Variants in CCSER1 observed in about 807,000 individuals in gnomAD.
CCSER1 encodes the protein serine-rich coiled-coil domain-containing protein 1.
CCSER1 carries 41 observed loss-of-function variants against 82.0 expected under a neutral mutation model. The ratio of observed to expected loss-of-function variants is 0.50; its 90% confidence interval spans 0.39 to 0.65. The LOEUF (loss-of-function observed/expected upper bound fraction) is 0.65. Among genes scored for constraint, CCSER1 ranks in the 30% least tolerant of loss-of-function variants. The probability of loss-of-function intolerance (pLI) is 0.00; values close to 1 mark genes in which losing one functional copy is unlikely to be tolerated. For missense variants in CCSER1, 1,119 were observed against 1,064.2 expected (o/e 1.05, Z -0.72); for synonymous variants, 414 against 383.9 (o/e 1.08, Z -0.92).
At chr4:91,460,060 A>T (rs993840437) in intron 10 of CCSER1, among the ~76,000 whole-genome samples, 5 of 152,204 alleles carry the variant, frequency 3.3e-5, no homozygotes, top group Non-Finnish European at 5.9e-5. Context: ...TAGAGTAAGC[A>T]TCAGGCAATG....
intron 7 of CCSER1, among the ~76,000 whole-genome samples, chr4:90,728,831 G>C (rs898765286): frequency 9.9e-5 from 15 of 152,136 alleles, no homozygotes; most frequent in Admixed American, 1.3e-4. Flanking sequence ...TAGAAAAAAA[G>C]ATGCAGTAAA....
At chr4:91,583,736 C>G (rs1340460638) in intron 10 of CCSER1, among the ~76,000 whole-genome samples, 2 of 151,410 alleles carry the variant, frequency 1.3e-5, no homozygotes, top group Non-Finnish European at 3.0e-5. Context: ...AAGAACTATA[C>G]AAAGTTTTAA....
chr4:91,389,089 A>G (rs1751489690), intron 10 of CCSER1, among the ~76,000 whole-genome samples: 1 of 152,032 alleles, frequency 6.6e-6, no homozygotes, highest in African/African-American at 2.4e-5. Context: ...CTGAATTTTA[A>G]TGAAGTCTGA....
chr4:90,324,505 T>G (rs1393205555), intron 3 of CCSER1, among the ~76,000 whole-genome samples: 1 of 150,570 alleles, frequency 6.6e-6, no homozygotes, highest in Non-Finnish European at 1.5e-5. Context: ...TCGCCCACTT[T>G]TTGATGGGGT....
intron 5 of CCSER1, among the ~76,000 whole-genome samples, chr4:90,530,875 C>A (rs1180499199): frequency 6.6e-6 from 1 of 152,160 alleles, no homozygotes; most frequent in East Asian, 1.9e-4. Flanking sequence ...TATTCTCTTG[C>A]AACCACCTTG....
At chr4:91,559,831 A>C (rs1050887151) in intron 10 of CCSER1, among the ~76,000 whole-genome samples, 3 of 151,454 alleles carry the variant, frequency 2.0e-5, no homozygotes, top group African/African-American at 7.3e-5. Context: ...GTAATATCTT[A>C]ACCATTAGTG....
chr4:90,374,058 A>C (rs1471807914), intron 3 of CCSER1, among the ~76,000 whole-genome samples: 1 of 152,198 alleles, frequency 6.6e-6, no homozygotes. Flanking sequence ...ACATCCACGA[A>C]ACTGTAGCAG....
At chr4:91,197,447 C>T (rs528699839) in intron 10 of CCSER1, among the ~76,000 whole-genome samples, 2 of 152,142 alleles carry the variant, frequency 1.3e-5, no homozygotes, top group South Asian at 2.1e-4. Context: ...AGTGTGGAGC[C>T]GCATGTGACT....
intron 10 of CCSER1, among the ~76,000 whole-genome samples, chr4:91,522,843 T>G (rs969821226): frequency 2.0e-5 from 3 of 152,196 alleles, no homozygotes; most frequent in African/African-American, 7.2e-5. Context: ...ACTTCCTTTT[T>G]TCCTAGTTGA....
intron 10 of CCSER1, among the ~76,000 whole-genome samples, chr4:91,278,942 A>G (rs1284482428): frequency 6.6e-6 from 1 of 150,936 alleles, no homozygotes; most frequent in East Asian, 1.9e-4. Context: ...CATTTCCTGT[A>G]TGACCAGTCT....
At chr4:90,943,982 C>A (rs1421320170) in intron 9 of CCSER1, among the ~76,000 whole-genome samples, 1 of 151,448 alleles carries the variant, frequency 6.6e-6, no homozygotes, top group Non-Finnish European at 1.5e-5. Context: ...GCCTGTAATC[C>A]CAGCACTTTG....
chr4:91,487,075 T>C (rs1311797480), intron 10 of CCSER1, among the ~76,000 whole-genome samples: 1 of 152,070 alleles, frequency 6.6e-6, no homozygotes, highest in East Asian at 1.9e-4. Flanking sequence ...TTAAAGAAAC[T>C]ATTAATTTAC....
rs1290596516 is a variant in CCSER1 at position 91,174,084 on chromosome 4, C to T, written c.2217+88090C>T. 2.0e-5 allele frequency among the ~76,000 whole-genome samples: 3 copies of T among 152,102 alleles called. No homozygotes were observed. In the East Asian group the frequency reaches 5.8e-4, roughly 29 times the overall value. ...TATATTTCCCATTAACTGAAGGGAT[C>T]TTGAAGCTTAAGAATTTGAAAAGAG... is the stretch of plus-strand genomic sequence containing the variant. On this transcript the variant is annotated intron_variant, in intron 10 of 10. Transcript: ENST00000509176.
At chr4:91,438,670 T>A (rs1334679325) in intron 10 of CCSER1, among the ~76,000 whole-genome samples, 4 of 152,058 alleles carry the variant, frequency 2.6e-5, no homozygotes, top group Non-Finnish European at 4.4e-5. Context: ...AGGCTTCAGA[T>A]GATCAAACTA....
intron 5 of CCSER1, among the ~76,000 whole-genome samples, chr4:90,534,441 T>TTTTGTG (rs1553935627): frequency 3.3e-4 from 45 of 136,394 alleles, no homozygotes; most frequent in African/African-American, 1.1e-3. Context: ...TGCCAGCCTT[T>TTTTGTG]TGTGTGTGTG....
intron 7 of CCSER1, among the ~76,000 whole-genome samples, chr4:90,757,713 A>G (rs896809893): frequency 6.6e-6 from 1 of 152,226 alleles, no homozygotes; most frequent in Non-Finnish European, 1.5e-5. Flanking sequence ...ATCCAGGAAC[A>G]AACAAGAGAC....
At chr4:90,349,277 C>G (rs1276094522) in intron 3 of CCSER1, among the ~76,000 whole-genome samples, 2 of 152,188 alleles carry the variant, frequency 1.3e-5, no homozygotes, top group Admixed American at 1.3e-4. Flanking sequence ...ACAAATAACT[C>G]AGGTAAATAC....
intron 10 of CCSER1, among the ~76,000 whole-genome samples, chr4:91,170,357 AAGG>A (rs1732624306): frequency 6.6e-6 from 1 of 152,170 alleles, no homozygotes; most frequent in Non-Finnish European, 1.5e-5. Context: ...ATCTAATAAA[AAGG>A]AGCAGGAAAA....
At chr4:91,519,545 T>C (rs1760336707) in intron 10 of CCSER1, among the ~76,000 whole-genome samples, 1 of 152,194 alleles carries the variant, frequency 6.6e-6, no homozygotes, top group African/African-American at 2.4e-5. Context: ...GCTGCAGCCA[T>C]GTGTGCCTGA....
Sources: allele counts gnomAD v4.1 joint callset (sites outside exome capture counted in the v4.1 genomes callset), GRCh38; gene constraint gnomAD v4.1.1; transcripts MANE v1.5; gene names NCBI Gene and HGNC (gene_info 2026-07-23, HGNC 2026-07-21).